ITPRID1: variants seen among roughly 807,000 people sequenced by gnomAD.
ITPRID1 encodes protein ITPRID1.
In ITPRID1, 96 loss-of-function variants were observed where a neutral mutation model predicts 95.4. That is an observed-to-expected ratio of 1.01 (90% CI 0.85 to 1.19). ITPRID1 has a LOEUF of 1.19. Among genes scored for constraint, ITPRID1 ranks in the 50% most tolerant of loss-of-function variants. The pLI, the probability that ITPRID1 is intolerant of heterozygous loss-of-function variation, is 0.00. For missense variants in ITPRID1, 1,339 were observed against 1,252.9 expected (o/e 1.07, Z -1.04); for synonymous variants, 510 against 453.6 (o/e 1.12, Z -1.58).
intron 10 of ITPRID1, among the ~76,000 whole-genome samples, chr7:31,631,463 T>C (rs1788989845): frequency 6.6e-6 from 1 of 152,218 alleles, no homozygotes; most frequent in Non-Finnish European, 1.5e-5. Context: ...TCTTACGTGG[T>C]TAGGTTATAA....
chr7:31,601,715 C>T (rs896213056), intron 10 of ITPRID1, among the ~76,000 whole-genome samples: 6 of 152,124 alleles, frequency 3.9e-5, no homozygotes, highest in Admixed American at 3.3e-4. Context: ...GGGACTCTAC[C>T]GTCACTGAGA....
At chr7:31,619,054 C>T (rs38340) in intron 10 of ITPRID1, among the ~76,000 whole-genome samples, 148,654 of 152,330 alleles carry the variant, frequency 0.98, 72,548 homozygotes, top group East Asian at 0.99. Context: ...TGATTCCATA[C>T]TGACCTTTGT....
In ITPRID1 at chr7:31,642,683, T is replaced by A. The variant is rs1790132177; in HGVS notation, c.1313T>A (p.Met438Lys). Reference sequence around the variant, plus strand: ...CCTTTGTCCTGGTTTCCCCTACAGATGCCTTCCTTGCCAAACAGCCAGAGT... The same window carrying A: ...CCTTTGTCCTGGTTTCCCCTACAGAAGCCTTCCTTGCCAAACAGCCAGAGT... ...EEPLEPLPLQMPSLPNSQSPA... is the reference protein window; with the variant it reads ...EEPLEPLPLQKPSLPNSQSPA... The change falls in exon 12 of 15, where the codon ATG (methionine) becomes AAG (lysine). Residue 438 changes from methionine to lysine, a missense_variant and splice_region_variant. Met to Lys is a moderately conservative substitution (Grantham distance 95, BLOSUM62 -1). Coordinates refer to ENST00000615280, the MANE Select transcript of ITPRID1 (RefSeq NM_001257967.3). 4.3e-6 allele frequency: 7 copies of A among 1,613,004 alleles called. No individual in the cohort carries two copies. The highest frequency in any genetic ancestry group is 5.9e-6 in the Non-Finnish European group (7 of 1,179,290).
chr7:31,645,051 T>C (rs1790345872), intron 12 of ITPRID1, among the ~76,000 whole-genome samples: 1 of 152,206 alleles, frequency 6.6e-6, no homozygotes, highest in South Asian at 2.1e-4. Flanking sequence ...CTTCCTCCTT[T>C]ATAGACAAGG....
At chr7:31,588,224 G>T (rs1213723356) in intron 10 of ITPRID1, among the ~76,000 whole-genome samples, 3 of 152,224 alleles carry the variant, frequency 2.0e-5, no homozygotes, top group East Asian at 3.9e-4. Context: ...AAGAGTGGAG[G>T]GAGTTTCAAC....
At chr7:31,558,131 C>G (rs1375423170) in intron 5 of ITPRID1, among the ~76,000 whole-genome samples, 1 of 145,334 alleles carries the variant, frequency 6.9e-6, no homozygotes, top group Non-Finnish European at 1.6e-5. Context: ...CATTTTCTCT[C>G]TCTCTTGTGT....
intron 5 of ITPRID1, among the ~76,000 whole-genome samples, chr7:31,559,651 T>C (rs1784564295): frequency 6.6e-6 from 1 of 152,010 alleles, no homozygotes; most frequent in Non-Finnish European, 1.5e-5. Flanking sequence ...GGTGACAGAG[T>C]GAGACTCTGT....
intron 10 of ITPRID1, among the ~76,000 whole-genome samples, chr7:31,596,041 A>G (rs1466715250): frequency 3.3e-5 from 5 of 151,610 alleles, no homozygotes; most frequent in African/African-American, 9.7e-5. Flanking sequence ...AGATAGATAA[A>G]TATATTTTGC....
chr7:31,589,172 A>C (rs1443110755), intron 10 of ITPRID1, among the ~76,000 whole-genome samples: 1 of 152,068 alleles, frequency 6.6e-6, no homozygotes, highest in Non-Finnish European at 1.5e-5. Context: ...GTAAATAAAA[A>C]CTATAATTCC....
chr7:31,605,210 G>T (rs1035172647), intron 10 of ITPRID1, among the ~76,000 whole-genome samples: 1 of 152,144 alleles, frequency 6.6e-6, no homozygotes, highest in Non-Finnish European at 1.5e-5. Flanking sequence ...TAGGAAGGGA[G>T]GGTGTAGCCA....
At chr7:31,597,792 C>A (rs1276825410) in intron 10 of ITPRID1, among the ~76,000 whole-genome samples, 1 of 152,014 alleles carries the variant, frequency 6.6e-6, no homozygotes, top group Admixed American at 6.5e-5. Context: ...TCCTAAAATT[C>A]ATGTGTACAA....
chr7:31,628,556 C>G (rs921194687), intron 10 of ITPRID1, among the ~76,000 whole-genome samples: 4 of 151,286 alleles, frequency 2.6e-5, no homozygotes, highest in African/African-American at 9.8e-5. Flanking sequence ...TTCCCGGGTT[C>G]ACGCCATTCT....
chr7:31,566,267 G>T (rs1009028052), intron 5 of ITPRID1, among the ~76,000 whole-genome samples: 1 of 152,138 alleles, frequency 6.6e-6, no homozygotes, highest in African/African-American at 2.4e-5. Context: ...ATCTGAAAAC[G>T]GATCATTTCC....
chr7:31,523,474 A>C (rs891841135), intron 1 of ITPRID1, among the ~76,000 whole-genome samples: 3 of 152,202 alleles, frequency 2.0e-5, no homozygotes, highest in African/African-American at 7.2e-5. Context: ...TCCAATAGTA[A>C]TCCATGAGGG....
intron 8 of ITPRID1, 59 bp from the exon 9 acceptor site, chr7:31,577,804 A>C: frequency 7.2e-7 from 1 of 1,395,654 alleles, no homozygotes; most frequent in Non-Finnish European, 9.6e-7. Flanking sequence ...TGACTACGTT[A>C]ATATGGTTTC....
At chr7:31,572,229 C>A in intron 7 of ITPRID1, 41 bp downstream of exon 7, 2 of 1,260,258 alleles carry the variant, frequency 1.6e-6, no homozygotes, top group Non-Finnish European at 2.3e-6. Context: ...AGAAATCATT[C>A]TGTGCAACAA....
At position 31,583,152 on chromosome 7, in the gene ITPRID1, G is replaced by C. The variant is rs758782297; in HGVS notation, c.1189G>C (p.Glu397Gln). 7.4e-6 allele frequency: 12 copies of C among 1,611,826 alleles called. No homozygotes were observed. The East Asian group carries it at 1.3e-4, about 18-fold the overall frequency. Reference protein sequence around the residue: ...EMEEVQSFEEETGNPLDMTSG... With the variant: ...EMEEVQSFEEQTGNPLDMTSG... ...ATCTTAGGTCCAAAGCTTTGAAGAA[G>C]AGACTGGTAATCCTCTTGACATGAC... The change falls in exon 10 of 15, where the codon GAG becomes CAG. Residue 397 changes from glutamate to glutamine, a missense_variant. Transcript: ENST00000615280.
intron 1 of ITPRID1, among the ~76,000 whole-genome samples, chr7:31,546,764 A>G (rs1475955184): frequency 1.3e-5 from 2 of 152,156 alleles, no homozygotes; most frequent in Non-Finnish European, 2.9e-5. Context: ...CATAAGTGGA[A>G]CACAGTGTAA....
intron 10 of ITPRID1, among the ~76,000 whole-genome samples, chr7:31,628,090 A>T (rs1788642113): frequency 6.6e-6 from 1 of 152,344 alleles, no homozygotes; most frequent in East Asian, 1.9e-4. Context: ...AGCCTGTGAA[A>T]GTTGGAGCCT....
Sources: allele counts gnomAD v4.1 joint callset (sites outside exome capture counted in the v4.1 genomes callset), GRCh38; gene constraint gnomAD v4.1.1; transcripts MANE v1.5; gene names NCBI Gene and HGNC (gene_info 2026-07-23, HGNC 2026-07-21).